TAFA2: variants seen among roughly 807,000 people sequenced by gnomAD.
TAFA2 encodes TAFA chemokine like family member 2, also known as chemokine-like protein TAFA-2.
TAFA2 carries 7 observed loss-of-function variants against 18.8 expected under a neutral mutation model. The ratio of observed to expected loss-of-function variants is 0.37; its 90% CI spans 0.21 to 0.70. The LOEUF (loss-of-function observed/expected upper bound fraction) is 0.70. Among genes scored for constraint, TAFA2 ranks in the 30% least tolerant of loss-of-function variants. TAFA2 has a pLI of 0.53. For missense variants in TAFA2, 122 were observed against 158.1 expected, an observed-to-expected ratio of 0.77 and a Z score of 1.23; for synonymous variants, 60 against 54.2, an observed-to-expected ratio of 1.11 and a Z score of -0.47.
chr12:61,982,876 C>CTAAAAAAAA, intron 1 of TAFA2, among the ~76,000 whole-genome samples: 1 of 101,612 alleles, frequency 9.8e-6, no homozygotes, highest in African/African-American at 3.6e-5. Flanking sequence ...AAGTGGAAGG[C>CTAAAAAAAA]AAAAAAAAAA....
At chr12:61,713,012 A>C (rs764559622) in intron 4 of TAFA2, among the ~76,000 whole-genome samples, 1 of 152,188 alleles carries the variant, frequency 6.6e-6, no homozygotes, top group Non-Finnish European at 1.5e-5. Flanking sequence ...TTTTGAATGT[A>C]TAAATCTTTA....
At chr12:61,757,968 GTT>G (rs943931718) in intron 2 of TAFA2, among the ~76,000 whole-genome samples, 2 of 151,956 alleles carry the variant, frequency 1.3e-5, no homozygotes, top group Non-Finnish European at 2.9e-5. Context: ...GGGCAGCTGA[GTT>G]TTTCTCATGT....
intron 4 of TAFA2, among the ~76,000 whole-genome samples, chr12:61,736,549 A>C (rs1565756120): frequency 2.0e-5 from 3 of 151,968 alleles, no homozygotes; most frequent in Non-Finnish European, 4.4e-5. Context: ...CTTCTTTCTA[A>C]ACTTGCTTTC....
At chr12:61,816,196 C>T (rs1408353887) in intron 2 of TAFA2, among the ~76,000 whole-genome samples, 1 of 151,198 alleles carries the variant, frequency 6.6e-6, no homozygotes, top group South Asian at 2.1e-4. Flanking sequence ...ATCAAGTAGA[C>T]CCCAGTGTCT....
chr12:61,864,825 A>C (rs1874284144), intron 2 of TAFA2, among the ~76,000 whole-genome samples: 1 of 150,896 alleles, frequency 6.6e-6, no homozygotes, highest in Non-Finnish European at 1.5e-5. Context: ...AGATTAAATG[A>C]GTTGACATCT....
intron 1 of TAFA2, among the ~76,000 whole-genome samples, chr12:62,199,075 G>T (rs2062660788): frequency 6.6e-6 from 1 of 152,138 alleles, no homozygotes; most frequent in South Asian, 2.1e-4. Flanking sequence ...TTCCCGACTC[G>T]GTTGGGCTTA....
intron 1 of TAFA2, among the ~76,000 whole-genome samples, chr12:62,109,491 A>G (rs1037658946): frequency 1.3e-5 from 2 of 152,094 alleles, no homozygotes; most frequent in Admixed American, 1.3e-4. Context: ...ATGAAATTTA[A>G]AGTGGTTTTT....
intron 2 of TAFA2, among the ~76,000 whole-genome samples, chr12:61,842,361 A>T (rs1353031716): frequency 1.3e-5 from 2 of 151,974 alleles, no homozygotes; most frequent in Non-Finnish European, 2.9e-5. Context: ...GCTATTTCAG[A>T]TCAGCATGTT....
At chr12:61,823,635 G>A (rs1872412583) in intron 2 of TAFA2, among the ~76,000 whole-genome samples, 2 of 152,094 alleles carry the variant, frequency 1.3e-5, no homozygotes, top group African/African-American at 4.8e-5. Context: ...CTCCTTGTTA[G>A]GAATCTTAGT....
chr12:62,220,433 T>C (rs1208869189), intron 1 of TAFA2, among the ~76,000 whole-genome samples: 1 of 152,212 alleles, frequency 6.6e-6, no homozygotes, highest in East Asian at 1.9e-4. Flanking sequence ...ACAGGAACTG[T>C]CACTCACTGC....
chr12:61,710,453 T>A, intron 4 of TAFA2, 36 bp from the exon 5 acceptor site: 2 of 1,540,430 alleles, frequency 1.3e-6, no homozygotes, highest in Non-Finnish European at 1.8e-6. Flanking sequence ...CAACATTTCA[T>A]AACATACCGA....
chr12:61,993,613 T>A (rs890052362), intron 1 of TAFA2, among the ~76,000 whole-genome samples: 4 of 152,178 alleles, frequency 2.6e-5, no homozygotes, highest in African/African-American at 9.7e-5. Flanking sequence ...TCATTGGCCA[T>A]AAGAGCACAA....
chr12:61,911,858 A>C (rs1276981885), intron 1 of TAFA2, among the ~76,000 whole-genome samples: 1 of 152,196 alleles, frequency 6.6e-6, no homozygotes, highest in Non-Finnish European at 1.5e-5. Flanking sequence ...GAGCAATCAA[A>C]ACACAAGCAA....
intron 1 of TAFA2, among the ~76,000 whole-genome samples, chr12:62,161,685 C>T (rs892833210): frequency 1.3e-5 from 2 of 151,904 alleles, no homozygotes; most frequent in Admixed American, 6.6e-5. Context: ...TACTTGTACC[C>T]ATAAATTTAT....
At chr12:61,967,992 T>C (rs1379566004) in intron 1 of TAFA2, among the ~76,000 whole-genome samples, 1 of 151,790 alleles carries the variant, frequency 6.6e-6, no homozygotes, top group Non-Finnish European at 1.5e-5. Flanking sequence ...TAATGAGGTC[T>C]TCTTTTTGGT....
chr12:61,761,803 A>G (rs1869558597), intron 2 of TAFA2, among the ~76,000 whole-genome samples: 1 of 152,028 alleles, frequency 6.6e-6, no homozygotes, highest in African/African-American at 2.4e-5. Flanking sequence ...AATGCCTGAT[A>G]TGGTTTATAT....
chr12:62,101,223 C>T (rs762137543), intron 1 of TAFA2, among the ~76,000 whole-genome samples: 27 of 152,096 alleles, frequency 1.8e-4, no homozygotes, highest in Non-Finnish European at 3.1e-4. Flanking sequence ...GAACGAATTA[C>T]CCATGCCCAC....
chr12:61,898,868 C>G (rs1164180533), intron 1 of TAFA2, among the ~76,000 whole-genome samples: 1 of 152,208 alleles, frequency 6.6e-6, no homozygotes, highest in Non-Finnish European at 1.5e-5. Flanking sequence ...CATCATCAGG[C>G]TGCAACTTTT....
At chr12:61,995,586 C>A (rs1255957456) in intron 1 of TAFA2, among the ~76,000 whole-genome samples, 2 of 152,070 alleles carry the variant, frequency 1.3e-5, no homozygotes, top group Non-Finnish European at 2.9e-5. Context: ...TAACATTGTG[C>A]CTGGTTCATA....
Sources: gnomAD v4.1 joint callset for allele counts (sites outside exome capture counted in the v4.1 genomes callset) on GRCh38, gnomAD v4.1.1 for gene constraint, MANE v1.5 for transcripts, NCBI Gene and HGNC (gene_info 2026-07-23, HGNC 2026-07-21) for gene names.